TMPRSS13: variants seen among roughly 807,000 people sequenced by gnomAD.
TMPRSS13 encodes the protein transmembrane protease serine 13.
A neutral mutation model predicts 68.4 loss-of-function variants in TMPRSS13; 50 were observed. The observed-to-expected ratio is 0.73, with a 90% confidence interval of 0.58 to 0.93. The LOEUF (loss-of-function observed/expected upper bound fraction) is 0.93. Among genes scored for constraint, TMPRSS13 ranks in the 40% least tolerant of loss-of-function variants. TMPRSS13 has a pLI of 0.00. For synonymous variants in TMPRSS13, 267 were observed against 285.8 expected (o/e 0.93, Z 0.66); for missense variants, 615 against 729.2 (o/e 0.84, Z 1.80).
intron 9 of TMPRSS13, chr11:117,907,417 C>T (rs1201433840): frequency 1.3e-5 from 2 of 152,248 alleles, no homozygotes; most frequent in Admixed American, 1.3e-4. Context: ...GGATCCTCCT[C>T]CTCACCCCAC....
In TMPRSS13 at chr11:117,918,548, T is replaced by C; in HGVS notation, c.312A>G (p.Ser104=). The change falls in exon 2 of 13, where the codon TCA becomes TCG. Residue 104 remains serine (S), a synonymous_variant. Coordinates refer to ENST00000524993, the MANE Select transcript of TMPRSS13 (RefSeq NM_001077263.3). ...ASLSRSSSGR[S]SSARSASVTT... Reference sequence around the variant, plus strand: ...TCACCGAGGCTGACCTGGCGGATGATGACCTGCCGGATGAGGACCTGGAAA... The same window carrying C: ...TCACCGAGGCTGACCTGGCGGATGACGACCTGCCGGATGAGGACCTGGAAA... The C allele has an allele frequency of 6.2e-7, 1 of 1,614,226 alleles. No homozygotes were observed. Among genetic ancestry groups the C allele is most frequent in the Admixed American group, 1.7e-5 (1 of 60,030 alleles).
chr11:117,909,973 A>C lies in TMPRSS13; in HGVS notation c.947-5T>G, dbSNP rs1565347510. The C allele has an allele frequency of 1.2e-6, 2 of 1,613,556 alleles. No homozygotes were observed. The highest frequency in any genetic ancestry group is 8.5e-7 in the Non-Finnish European group (1 of 1,179,552). Reference sequence around the variant, plus strand: ...TCATGGCCCTCAGTCCGCAGTCTGGAGGGAAGGAGTAGACGTACTGTGAAC... The same window carrying C: ...TCATGGCCCTCAGTCCGCAGTCTGGCGGGAAGGAGTAGACGTACTGTGAAC... On this transcript the variant is annotated splice_polypyrimidine_tract_variant and splice_region_variant and intron_variant, in intron 7 of 12. Transcript: ENST00000524993.
chr11:117,925,618 G>A (rs933266733), intron 1 of TMPRSS13, among the ~76,000 whole-genome samples: 3 of 152,146 alleles, frequency 2.0e-5, no homozygotes, highest in Non-Finnish European at 4.4e-5. Context: ...CCCTCCTAGG[G>A]AAACCAACCC....
At chr11:117,920,349 T>C (rs1191102078) in intron 1 of TMPRSS13, among the ~76,000 whole-genome samples, 2 of 152,130 alleles carry the variant, frequency 1.3e-5, no homozygotes, top group African/African-American at 4.8e-5. Flanking sequence ...GTTTGTTTGC[T>C]CGTTTGTTTT....
At position 117,900,703 on chromosome 11, in the gene TMPRSS13, T is replaced by G. The variant is rs1304670090; in HGVS notation, c.*1536A>C. 1 of 152,230 alleles carries G rather than the reference T, an allele frequency of 6.6e-6. No homozygotes were observed. The highest frequency in any genetic ancestry group is 1.5e-5 in the Non-Finnish European group (1 of 68,042). The allele number at this position is 152,230 out of a possible 1,614,324, so 9.4% of individuals were successfully genotyped here. A position where few individuals can be genotyped will look rare whatever the true frequency, so the allele number is the denominator to read the frequency against. ...CTGGCGGCTGCTGCAGACAGGAATG[T>G]GGCCTCCTTCCCAGTCTTGCTAACA... On this transcript the variant is annotated 3_prime_UTR_variant, in exon 13 of 13. Transcript: ENST00000524993.
At chr11:117,910,114 G>A (rs957284433) in intron 7 of TMPRSS13, 146 bp from the exon 8 acceptor site, 2 of 952,302 alleles carry the variant, frequency 2.1e-6, no homozygotes, top group East Asian at 2.7e-5. Context: ...TTCCATGGAC[G>A]GGCTTTGCTC....
At chr11:117,904,906 C>G in intron 10 of TMPRSS13, among the ~76,000 whole-genome samples, 1 of 86,648 alleles carries the variant, frequency 1.2e-5, no homozygotes, top group South Asian at 3.8e-4. Context: ...TATATATATT[C>G]TTAATTGAGA....
intron 5 of TMPRSS13, among the ~76,000 whole-genome samples, chr11:117,912,086 G>A (rs2057528979): frequency 6.6e-6 from 1 of 151,980 alleles, no homozygotes; most frequent in South Asian, 2.1e-4. Context: ...AAGATCCCCA[G>A]CCCTATGCAC....
At chr11:117,924,273 G>A (rs76673375) in intron 1 of TMPRSS13, among the ~76,000 whole-genome samples, 2 of 151,516 alleles carry the variant, frequency 1.3e-5, no homozygotes, top group African/African-American at 2.4e-5. Flanking sequence ...ACTTGCTCAC[G>A]GACACACAGC....
intron 8 of TMPRSS13, 35 bp downstream of exon 8, chr11:117,909,771 G>A: frequency 1.3e-6 from 2 of 1,591,678 alleles, no homozygotes; most frequent in Non-Finnish European, 1.7e-6. Context: ...CCCGACCCTG[G>A]GCAGTGTCAA....
At chr11:117,919,418 A>C (rs1050574546) in intron 1 of TMPRSS13, among the ~76,000 whole-genome samples, 1 of 152,266 alleles carries the variant, frequency 6.6e-6, no homozygotes, top group African/African-American at 2.4e-5. Flanking sequence ...GGAGAAAAAG[A>C]ATGCTGGACA....
chr11:117,928,534 T>C (rs1162798427), intron 1 of TMPRSS13, among the ~76,000 whole-genome samples: 1 of 152,006 alleles, frequency 6.6e-6, no homozygotes, highest in African/African-American at 2.4e-5. Flanking sequence ...AAACAAGACC[T>C]AAAGGAGAAA....
At chr11:117,903,075 T>C (rs2057423656) in intron 12 of TMPRSS13, 1 of 1,149,640 alleles carries the variant, frequency 8.7e-7, no homozygotes, top group East Asian at 5.3e-5. Context: ...TTATACTCTT[T>C]TATGATAGTA....
In TMPRSS13 at chr11:117,918,720, G is replaced by C; in HGVS notation, c.140C>G (p.Ala47Gly). ...AQASPAQASP[A>G]GTPPGRASPA... The stretch of plus-strand genomic sequence containing the variant: ...AGATGCCCGGCCCGGAGGTGTCCCA[G>C]CTGGAGATGCCTGGGCTGGAGATGC... The change falls in exon 2 of 13, where the codon GCT (alanine) becomes GGT (glycine). Residue 47 changes from alanine to glycine, a missense_variant. Transcript: ENST00000524993. The C allele has an allele frequency of 6.2e-7, 1 of 1,607,038 alleles. No homozygotes were observed. The highest frequency in any genetic ancestry group is 8.5e-7 in the Non-Finnish European group (1 of 1,178,668).
At chr11:117,917,352 C>T in intron 2 of TMPRSS13, 78 bp from the exon 3 acceptor site, 3 of 1,209,184 alleles carry the variant, frequency 2.5e-6, no homozygotes, top group Admixed American at 2.0e-5. Context: ...GGAAACAAGA[C>T]TGTGGCCCAG....
chr11:117,912,249 T>C (rs2057530658), intron 5 of TMPRSS13, among the ~76,000 whole-genome samples: 1 of 152,176 alleles, frequency 6.6e-6, no homozygotes, highest in Non-Finnish European at 1.5e-5. Flanking sequence ...ACACTCAAGT[T>C]TGAGAAACAC....
At chr11:117,924,559 G>A (rs2057683578) in intron 1 of TMPRSS13, among the ~76,000 whole-genome samples, 1 of 152,184 alleles carries the variant, frequency 6.6e-6, no homozygotes, top group Admixed American at 6.5e-5. Context: ...TGGAAGCACT[G>A]GCGGCACTGA....
intron 1 of TMPRSS13, among the ~76,000 whole-genome samples, chr11:117,925,628 C>G (rs1014422358): frequency 6.6e-6 from 1 of 152,060 alleles, no homozygotes; most frequent in African/African-American, 2.4e-5. Flanking sequence ...GAAACCAACC[C>G]CCATCTGGTG....
rs761105223 is a variant in TMPRSS13 at position 117,904,026 on chromosome 11, T to A, written c.1457A>T (p.Tyr486Phe). The change falls in exon 11 of 13, where the codon TAT becomes TTT. Residue 486 changes from tyrosine (Y) to phenylalanine (F), a missense_variant. By Grantham distance (22) the Tyr-to-Phe change is conservative. Transcript: ENST00000524993. The stretch of plus-strand genomic sequence containing the variant: ...CATCCTTGGGGTAAGGTAACTGTCA[T>A]AGACCAAGTAGTCATTGCATTTCTT... ...DFKKCNDYLVYDSYLTPRMMC... is the reference protein window; with the variant it reads ...DFKKCNDYLVFDSYLTPRMMC... 10 of 1,613,858 alleles carry A rather than the reference T, an allele frequency of 6.2e-6. No homozygotes were observed. In the South Asian group the frequency reaches 1.1e-4, roughly 18 times the overall value.
Sources: gnomAD v4.1 joint callset for allele counts (sites outside exome capture counted in the v4.1 genomes callset) on GRCh38, gnomAD v4.1.1 for gene constraint, MANE v1.5 for transcripts, NCBI Gene and HGNC (gene_info 2026-07-23, HGNC 2026-07-21) for gene names.